The following RYR3 variants were observed in gnomAD, a reference collection of about 807,000 sequenced individuals.
The protein encoded by RYR3 is brain ryanodine receptor-calcium release channel.
A neutral mutation model predicts 584.3 loss-of-function variants in RYR3; 207 were observed. The observed-to-expected ratio is 0.35, with a 90% CI of 0.32 to 0.40. The LOEUF (loss-of-function observed/expected upper bound fraction) is 0.40, where lower values mean the gene tolerates loss of function less well. RYR3 is among the 10% of genes least tolerant of loss of function. The pLI is 1.00. For synonymous variants in RYR3, 2,416 were observed against 2,248.5 expected, an observed-to-expected ratio of 1.07 and a Z score of -2.11; for missense variants, 5,616 against 6,089.2, an observed-to-expected ratio of 0.92 and a Z score of 2.59.
intron 18 of RYR3, among the ~76,000 whole-genome samples, chr15:33,611,352 C>T (rs555701881): frequency 3.3e-5 from 5 of 152,052 alleles, no homozygotes; most frequent in South Asian, 2.1e-4. Flanking sequence ...GTCAGGAGAT[C>T]GAGACCATCC....
At chr15:33,470,306 T>G in intron 1 of RYR3, among the ~76,000 whole-genome samples, 1 of 152,156 alleles carries the variant, frequency 6.6e-6, no homozygotes, top group Non-Finnish European at 1.5e-5. Flanking sequence ...TATGGTTATT[T>G]TATATTGACA....
chr15:33,502,669 TA>T (rs5811764), intron 2 of RYR3, among the ~76,000 whole-genome samples: 10 of 152,252 alleles, frequency 6.6e-5, no homozygotes, highest in Admixed American at 2.0e-4. Flanking sequence ...TTTGCTGATC[TA>T]AAATGTTCTC....
At chr15:33,495,923 G>C (rs540409055) in intron 2 of RYR3, among the ~76,000 whole-genome samples, 1 of 152,340 alleles carries the variant, frequency 6.6e-6, no homozygotes, top group South Asian at 2.1e-4. Context: ...TTGGAAGTCT[G>C]TAAGTGAGCT....
At chr15:33,339,090 C>T (rs1021706642) in intron 1 of RYR3, among the ~76,000 whole-genome samples, 2 of 152,168 alleles carry the variant, frequency 1.3e-5, no homozygotes, top group Non-Finnish European at 1.5e-5. Flanking sequence ...GTTAATATAT[C>T]ATGTATGACA....
chr15:33,670,292 T>C (rs2063766718), intron 37 of RYR3, 127 bp from the exon 38 acceptor site: 1 of 946,448 alleles, frequency 1.1e-6, no homozygotes, highest in South Asian at 1.5e-5. Flanking sequence ...AATAGTATCT[T>C]TAGAAAGCCT....
At chr15:33,573,798 C>G (rs949571526) in intron 12 of RYR3, among the ~76,000 whole-genome samples, 27 of 152,256 alleles carry the variant, frequency 1.8e-4, no homozygotes, top group African/African-American at 6.5e-4. Flanking sequence ...ATACATTGGG[C>G]TTTACTCTCT....
chr15:33,825,317 G>A (rs772341992), intron 81 of RYR3, among the ~76,000 whole-genome samples: 16 of 152,110 alleles, frequency 1.1e-4, no homozygotes, highest in Admixed American at 3.3e-4. Flanking sequence ...TGAAGACCTT[G>A]AGTCTTCACC....
At chr15:33,521,460 G>T (rs1037476037) in intron 3 of RYR3, among the ~76,000 whole-genome samples, 1 of 152,156 alleles carries the variant, frequency 6.6e-6, no homozygotes. Context: ...AAGAGAGAGG[G>T]TTAGCTGGAT....
chr15:33,462,542 A>G (rs2048128392), intron 1 of RYR3, among the ~76,000 whole-genome samples: 1 of 152,198 alleles, frequency 6.6e-6, no homozygotes, highest in Non-Finnish European at 1.5e-5. Context: ...GTCGTTGGTC[A>G]GTTGTATGGC....
At chr15:33,755,240 C>CT in intron 58 of RYR3, 60 bp downstream of exon 58, 2 of 996,564 alleles carry the variant, frequency 2.0e-6, no homozygotes, top group Non-Finnish European at 3.1e-6. Context: ...AGAAATAATC[C>CT]TTTCAGACTG....
chr15:33,500,824 G>C (rs1478923903), intron 2 of RYR3, among the ~76,000 whole-genome samples: 1 of 152,170 alleles, frequency 6.6e-6, no homozygotes, highest in African/African-American at 2.4e-5. Flanking sequence ...TGGGAGTTCA[G>C]GCCAGTTTGG....
intron 2 of RYR3, among the ~76,000 whole-genome samples, chr15:33,491,460 TG>T (rs2050957414): frequency 6.6e-6 from 1 of 152,236 alleles, no homozygotes; most frequent in South Asian, 2.1e-4. Flanking sequence ...TGACAGACCT[TG>T]CTTAGGTCGC....
intron 19 of RYR3, among the ~76,000 whole-genome samples, chr15:33,617,813 C>A (rs1318114080): frequency 1.4e-5 from 2 of 142,040 alleles, no homozygotes; most frequent in East Asian, 4.2e-4. Context: ...TTAGATTTAC[C>A]CACAGTGAAG....
chr15:33,466,549 C>CT (rs1426343464), intron 1 of RYR3, among the ~76,000 whole-genome samples: 2 of 152,160 alleles, frequency 1.3e-5, no homozygotes, highest in African/African-American at 2.4e-5. Flanking sequence ...AACAACAAAA[C>CT]TTCAAACATT....
At chr15:33,321,141 A>T (rs78842769) in intron 1 of RYR3, among the ~76,000 whole-genome samples, 2,002 of 152,344 alleles carry the variant, frequency 0.013, 43 homozygotes, top group African/African-American at 0.046. Context: ...TGGAGAATCC[A>T]CAGCTACACA....
chr15:33,677,368 C>G (rs954904050), intron 38 of RYR3, among the ~76,000 whole-genome samples: 1 of 152,188 alleles, frequency 6.6e-6, no homozygotes, highest in Non-Finnish European at 1.5e-5. Flanking sequence ...CCCGAGGTCC[C>G]TGAGTCCTTC....
intron 20 of RYR3, among the ~76,000 whole-genome samples, chr15:33,624,330 A>G (rs916592227): frequency 6.6e-6 from 1 of 151,396 alleles, no homozygotes; most frequent in Non-Finnish European, 1.5e-5. Flanking sequence ...TTATTTTTTT[A>G]AAAGGCCAAA....
chr15:33,783,034 T>A (rs1300074713), intron 65 of RYR3, among the ~76,000 whole-genome samples: 1 of 152,162 alleles, frequency 6.6e-6, no homozygotes, highest in Non-Finnish European at 1.5e-5. Flanking sequence ...TTATTCCAAT[T>A]CTAATGTAAG....
chr15:33,532,009 TAAA>T (rs1031774873), intron 4 of RYR3, among the ~76,000 whole-genome samples: 1 of 151,930 alleles, frequency 6.6e-6, no homozygotes, highest in Admixed American at 6.6e-5. Flanking sequence ...TTACCCCTCC[TAAA>T]AAAAAGTTCT....
Sources: allele counts gnomAD v4.1 joint callset (sites outside exome capture counted in the v4.1 genomes callset), GRCh38; gene constraint gnomAD v4.1.1; transcripts MANE v1.5; gene names NCBI Gene and HGNC (gene_info 2026-07-23, HGNC 2026-07-21).